Variants in CFAP70 observed in about 807,000 individuals in gnomAD.
The protein encoded by CFAP70 is cilia and flagella associated protein 70, also known as cilia- and flagella-associated protein 70.
Under a neutral mutation model 137.6 loss-of-function variants are expected in CFAP70, and 81 were observed. The observed-to-expected ratio is 0.59, with a 90% CI of 0.49 to 0.71. CFAP70 has a LOEUF of 0.71. CFAP70 is among the 30% of genes least tolerant of loss of function. CFAP70 has a pLI of 0.00. For synonymous variants in CFAP70, 382 were observed against 423.6 expected, an observed-to-expected ratio of 0.90 and a Z score of 1.20; for missense variants, 976 against 1,226.7, an observed-to-expected ratio of 0.80 and a Z score of 3.05.
At chr10:73,326,862 AAG>A (rs2051490645) in intron 8 of CFAP70, among the ~76,000 whole-genome samples, 1 of 151,726 alleles carries the variant, frequency 6.6e-6, no homozygotes, top group Non-Finnish European at 1.5e-5. Flanking sequence ...ACCAACCAAA[AAG>A]AGTCCAGGAC....
chr10:73,337,678 G>T (rs2052806813), intron 6 of CFAP70, among the ~76,000 whole-genome samples: 1 of 152,164 alleles, frequency 6.6e-6, no homozygotes. Flanking sequence ...GCCGAGGCAG[G>T]CAGATCACCT....
chr10:73,362,872 G>A (rs1018761901), upstream of CFAP70, among the ~76,000 whole-genome samples: 10 of 151,246 alleles, frequency 6.6e-5, no homozygotes, highest in African/African-American at 1.5e-4. Flanking sequence ...AGCTTTCAAC[G>A]TGTCCTCATT....
intron 3 of CFAP70, among the ~76,000 whole-genome samples, chr10:73,350,847 G>T (rs1420572815): frequency 6.6e-6 from 1 of 151,558 alleles, no homozygotes; most frequent in Admixed American, 6.6e-5. Flanking sequence ...TGCAACCCCT[G>T]CCTCGAGGGC....
At chr10:73,307,972 C>T (rs1280278843) in intron 12 of CFAP70, among the ~76,000 whole-genome samples, 4 of 147,748 alleles carry the variant, frequency 2.7e-5, no homozygotes, top group African/African-American at 1.0e-4. Flanking sequence ...CAGTGAAACT[C>T]CATCTCTACT....
chr10:73,305,439 A>G (rs988193475), intron 12 of CFAP70, among the ~76,000 whole-genome samples: 2 of 152,230 alleles, frequency 1.3e-5, no homozygotes, highest in Non-Finnish European at 2.9e-5. Flanking sequence ...ATGTATGCTT[A>G]AAGTTGACCA....
At chr10:73,269,685 G>T (rs2046077103) in exon 25 of CFAP70, 2 of 1,613,634 alleles carry the variant, frequency 1.2e-6, no homozygotes, top group East Asian at 4.5e-5. Flanking sequence ...GCTTCAGAAA[G>T]AGCATCCTCA....
intron 3 of CFAP70, among the ~76,000 whole-genome samples, chr10:73,351,071 G>GTGTATATATA (rs1422420902): frequency 6.1e-4 from 19 of 31,368 alleles, no homozygotes; most frequent in Non-Finnish European, 1.1e-3. Flanking sequence ...GTGTGTGTGT[G>GTGTATATATA]TATATATATA....
chr10:73,314,933 G>A (rs1056827341), intron 9 of CFAP70, among the ~76,000 whole-genome samples: 11 of 151,426 alleles, frequency 7.3e-5, no homozygotes, highest in African/African-American at 2.4e-4. Context: ...TAAAAAACAG[G>A]CTGGGCACGG....
chr10:73,274,401 C>T (rs762819184), intron 23 of CFAP70, 32 bp downstream of exon 24: 1 of 1,579,324 alleles, frequency 6.3e-7, no homozygotes, highest in South Asian at 1.2e-5. Context: ...GTTCCCAGAC[C>T]ACGGGGTTAT....
intron 19 of CFAP70, among the ~76,000 whole-genome samples, chr10:73,279,531 A>C (rs1589327195): frequency 8.2e-6 from 1 of 121,298 alleles, no homozygotes; most frequent in South Asian, 2.8e-4. Flanking sequence ...CTCAATAAAT[A>C]AATAAATAAA....
At chr10:73,279,563 AAATAAATAT>A (rs1206392771) in intron 19 of CFAP70, among the ~76,000 whole-genome samples, 1 of 143,538 alleles carries the variant, frequency 7.0e-6, no homozygotes, top group Non-Finnish European at 1.5e-5. Flanking sequence ...ATAAATAAAT[AAATAAATAT>A]AAGAAGTTGG....
chr10:73,265,622 C>T (rs951306125), intron 25 of CFAP70, among the ~76,000 whole-genome samples: 3 of 152,248 alleles, frequency 2.0e-5, no homozygotes, highest in South Asian at 2.1e-4. Flanking sequence ...TAATAACTTG[C>T]GCACGCTCAT....
At chr10:73,256,376 A>G in exon 26 of CFAP70, 1 of 1,614,154 alleles carries the variant, frequency 6.2e-7, no homozygotes, top group Non-Finnish European at 8.5e-7. Flanking sequence ...TACCTTGATC[A>G]TGTACTTGTA....
At chr10:73,328,248 C>T (rs2051682643) in intron 8 of CFAP70, among the ~76,000 whole-genome samples, 2 of 151,972 alleles carry the variant, frequency 1.3e-5, no homozygotes, top group South Asian at 4.1e-4. Flanking sequence ...AAAGGATTCC[C>T]TATTTAATAA....
In CFAP70 at chr10:73,275,702, A is replaced by G. The variant is rs1182435555; in HGVS notation, c.2521-104T>C. The G allele has an allele frequency of 4.9e-6, 5 of 1,016,412 alleles. No homozygotes were observed. The highest frequency in any genetic ancestry group is 6.8e-6 in the Non-Finnish European group (5 of 733,652). The allele number at this position is 1,016,412 out of a possible 1,614,324, so 63.0% of individuals were successfully genotyped here. A position where few individuals can be genotyped will look rare whatever the true frequency, so the allele number is the denominator to read the frequency against. ...TAATAAATAATACGAAATGTATTAC[A>G]GAATGAAATAATTATCCTCAACTTC... On this transcript the variant is annotated intron_variant, in intron 21 of 26. Transcript: ENST00000310715. The surrounding 1 kb of genome is among the most constrained non-coding windows in gnomAD (Gnocchi z 4.0).
chr10:73,332,359 A>G (rs558394348), intron 7 of CFAP70, among the ~76,000 whole-genome samples: 67 of 152,288 alleles, frequency 4.4e-4, no homozygotes, highest in African/African-American at 1.6e-3. Flanking sequence ...AAGAAAAGTA[A>G]CCATTTTGAA....
chr10:73,276,884 T>A, intron 21 of CFAP70: 1 of 166,984 alleles, frequency 6.0e-6, no homozygotes, highest in Admixed American at 6.1e-5. Flanking sequence ...CTGTGTATGT[T>A]TCTAGTTGGA....
rs747516400 is a variant in CFAP70, at chr10:73,274,599, G to A, written c.2674-5C>T. Reference sequence around the variant, plus strand: ...CAGGCCCCAGACATTGGGGTTCTGGGAAAGTGAAAAGCAAGTAGTATATGG... The same window carrying A: ...CAGGCCCCAGACATTGGGGTTCTGGAAAAGTGAAAAGCAAGTAGTATATGG... On this transcript the variant is annotated splice_region_variant and splice_polypyrimidine_tract_variant and intron_variant, in intron 22 of 26. Coordinates refer to ENST00000310715, the Ensembl canonical transcript of CFAP70. 6.2e-7 allele frequency: 1 copy of A among 1,611,398 alleles called. No individual in the cohort carries two copies. Among genetic ancestry groups the A allele is most frequent in the East Asian group, 2.2e-5 (1 of 44,838 alleles).
chr10:73,285,865 C>T (rs1051219520), intron 19 of CFAP70, among the ~76,000 whole-genome samples: 15 of 151,986 alleles, frequency 9.9e-5, no homozygotes, highest in African/African-American at 3.4e-4. Context: ...GAACTCCTGA[C>T]CTCAGGTGAT....
Sources: gnomAD v4.1 joint callset for allele counts (sites outside exome capture counted in the v4.1 genomes callset) on GRCh38, gnomAD v4.1.1 for gene constraint, Gnocchi (gnomAD v3.1) non-coding constraint, MANE v1.5 for transcripts, NCBI Gene and HGNC (gene_info 2026-07-23, HGNC 2026-07-21) for gene names.